Variants in MAP2K1 observed in about 807,000 individuals in gnomAD.
The protein encoded by MAP2K1 is mitogen-activated protein kinase kinase 1, also known as dual specificity mitogen-activated protein kinase kinase 1.
A neutral mutation model predicts 46.3 loss-of-function variants in MAP2K1; 16 were observed. The observed-to-expected ratio is 0.35, with a 90% CI of 0.23 to 0.52. The LOEUF is 0.52. MAP2K1 is among the 20% of genes least tolerant of loss of function. The pLI, the probability that MAP2K1 is intolerant of heterozygous loss-of-function variation, is 0.94. For missense variants in MAP2K1, 263 were observed against 497.1 expected, an observed-to-expected ratio of 0.53 and a Z score of 4.48; for synonymous variants, 183 against 185.6, an observed-to-expected ratio of 0.99 and a Z score of 0.11.
chr15:66,402,775 G>A (rs1019659096), intron 1 of MAP2K1, among the ~76,000 whole-genome samples: 2 of 151,966 alleles, frequency 1.3e-5, no homozygotes, highest in African/African-American at 4.8e-5. Context: ...TTTTTTGATT[G>A]AATATATATG....
At chr15:66,479,737 G>A (rs1231106699) in intron 5 of MAP2K1, among the ~76,000 whole-genome samples, 2 of 152,160 alleles carry the variant, frequency 1.3e-5, no homozygotes, top group African/African-American at 4.8e-5. Flanking sequence ...AGGGCTTAGA[G>A]TGGTGAGGCA....
At chr15:66,432,545 T>C (rs930992231) in intron 1 of MAP2K1, among the ~76,000 whole-genome samples, 1 of 152,232 alleles carries the variant, frequency 6.6e-6, no homozygotes, top group African/African-American at 2.4e-5. Flanking sequence ...ATCAGATTGA[T>C]GTGCAGGGGA....
intron 1 of MAP2K1, among the ~76,000 whole-genome samples, chr15:66,428,889 C>G (rs113099046): frequency 6.9e-6 from 1 of 144,238 alleles, no homozygotes; most frequent in Non-Finnish European, 1.5e-5. Context: ...TGGTAATTCT[C>G]TCACCTCAGC....
At chr15:66,427,250 TC>T (rs1315812882) in intron 1 of MAP2K1, among the ~76,000 whole-genome samples, 1 of 152,216 alleles carries the variant, frequency 6.6e-6, no homozygotes, top group Non-Finnish European at 1.5e-5. Flanking sequence ...GCTACTGTAA[TC>T]TAATTAGTTA....
chr15:66,388,750 TGGTGGAC>T (rs2093349283), intron 1 of MAP2K1, among the ~76,000 whole-genome samples: 2 of 152,058 alleles, frequency 1.3e-5, no homozygotes, highest in Non-Finnish European at 2.9e-5. Flanking sequence ...ACAAGGTCGA[TGGTGGAC>T]CTGTGGTGTG....
intron 8 of MAP2K1, 61 bp from the exon 9 acceptor site, chr15:66,489,154 G>A: frequency 7.5e-7 from 1 of 1,341,942 alleles, no homozygotes; most frequent in Non-Finnish European, 1.1e-6. Flanking sequence ...GGTGGGATGG[G>A]GAGAGGAGAT....
At chr15:66,428,576 C>G (rs1239734634) in intron 1 of MAP2K1, among the ~76,000 whole-genome samples, 1 of 151,898 alleles carries the variant, frequency 6.6e-6, no homozygotes, top group East Asian at 1.9e-4. Context: ...TTAAGTTTAC[C>G]AATTTAAATG....
At chr15:66,444,514 C>G in intron 4 of MAP2K1, 142 bp from the exon 5 acceptor site, 4 of 695,740 alleles carry the variant, frequency 5.7e-6, no homozygotes, top group East Asian at 5.7e-5. Context: ...GCCTGGGCAA[C>G]AAGAGTGAAA....
intron 5 of MAP2K1, among the ~76,000 whole-genome samples, chr15:66,459,121 T>G (rs565797242): frequency 5.3e-5 from 8 of 150,704 alleles, no homozygotes; most frequent in Non-Finnish European, 1.0e-4. Flanking sequence ...AAGACCATGC[T>G]GGCCAACACG....
At chr15:66,395,592 T>TTTTTTTA (rs71139492) in intron 1 of MAP2K1, among the ~76,000 whole-genome samples, 1 of 72,970 alleles carries the variant, frequency 1.4e-5, no homozygotes, top group African/African-American at 4.7e-5. Context: ...TTTTTTTTTT[T>TTTTTTTA]GAGACGGAGT....
chr15:66,474,652 C>T (rs980687028), intron 5 of MAP2K1, among the ~76,000 whole-genome samples: 4 of 152,028 alleles, frequency 2.6e-5, no homozygotes, highest in Non-Finnish European at 2.9e-5. Flanking sequence ...CTGGAGAGAA[C>T]GCTCCCTCAG....
At chr15:66,489,651 C>T in intron 9 of MAP2K1, 67 bp from the exon 10 acceptor site, 1 of 1,216,962 alleles carries the variant, frequency 8.2e-7, no homozygotes, top group East Asian at 2.3e-5. Flanking sequence ...GACAGGCATG[C>T]AAACATGTTA....
intron 5 of MAP2K1, among the ~76,000 whole-genome samples, chr15:66,461,551 T>G (rs1252177502): frequency 6.6e-6 from 1 of 151,984 alleles, no homozygotes; most frequent in Non-Finnish European, 1.5e-5. Flanking sequence ...ATAGCTCAGC[T>G]TGAGGATGGG....
intron 5 of MAP2K1, among the ~76,000 whole-genome samples, chr15:66,457,646 T>C (rs1892200898): frequency 6.6e-6 from 1 of 152,114 alleles, no homozygotes; most frequent in South Asian, 2.1e-4. Context: ...TGACAGAAGC[T>C]TTAGAATTTA....
chr15:66,445,870 C>T (rs1402729705), intron 5 of MAP2K1, among the ~76,000 whole-genome samples: 1 of 144,104 alleles, frequency 6.9e-6, no homozygotes, highest in Admixed American at 7.0e-5. Flanking sequence ...AATGTTACAT[C>T]TTTTTTTTTT....
rs1337154710 is a variant in MAP2K1, at chr15:66,436,728, T to A, written c.292-18T>A. 6.2e-7 allele frequency: 1 copy of A among 1,613,532 alleles called. No individual in the cohort carries two copies. Among genetic ancestry groups the A allele is most frequent in the African/African-American group, 1.3e-5 (1 of 74,908 alleles). ...CTCTTTCTTTCATAAAACCTCTCTT[T>A]CTTCCACCTTTCTCCAGCTAATTCA... On this transcript the variant is annotated intron_variant, in intron 2 of 10. Transcript: ENST00000307102.
chr15:66,430,357 C>G (rs372157614), intron 1 of MAP2K1, among the ~76,000 whole-genome samples: 8 of 152,218 alleles, frequency 5.3e-5, no homozygotes, highest in African/African-American at 1.9e-4. Flanking sequence ...GGTTGTCATC[C>G]TCTTCCCTTC....
At chr15:66,488,297 A>C (rs937956213) in intron 8 of MAP2K1, among the ~76,000 whole-genome samples, 11 of 152,224 alleles carry the variant, frequency 7.2e-5, no homozygotes, top group African/African-American at 2.7e-4. Flanking sequence ...TCACTGTTCT[A>C]AGAGCTGAGT....
intron 1 of MAP2K1, among the ~76,000 whole-genome samples, chr15:66,429,678 CG>C (rs1256737721): frequency 1.1e-4 from 4 of 36,708 alleles, no homozygotes; most frequent in African/African-American, 1.9e-4. Context: ...CCCCCCCCCC[CG>C]TCCCCCCCAA....
Sources: gnomAD v4.1 joint callset for allele counts (sites outside exome capture counted in the v4.1 genomes callset) on GRCh38, gnomAD v4.1.1 for gene constraint, MANE v1.5 for transcripts, NCBI Gene and HGNC (gene_info 2026-07-23, HGNC 2026-07-21) for gene names.